Variants in NCOA7 observed in about 807,000 individuals in gnomAD.
NCOA7 encodes the protein nuclear receptor coactivator 7, also known as 140 kDa estrogen receptor-associated protein.
Under a neutral mutation model 104.3 loss-of-function variants are expected in NCOA7, and 45 were observed. The ratio of observed to expected loss-of-function variants is 0.43; its 90% CI spans 0.34 to 0.55. The LOEUF is 0.55. Among genes scored for constraint, NCOA7 ranks in the 20% least tolerant of loss-of-function variants. NCOA7 has a pLI of 0.02. For synonymous variants in NCOA7, 398 were observed against 402.3 expected (o/e 0.99, Z 0.13); for missense variants, 1,041 against 1,119.7 (o/e 0.93, Z 1.00).
intron 3 of NCOA7, among the ~76,000 whole-genome samples, chr6:125,870,774 G>A (rs906444388): frequency 3.3e-5 from 5 of 152,144 alleles, no homozygotes; most frequent in African/African-American, 1.2e-4. Context: ...TTAGAGTCTT[G>A]TGTTCTGGAC....
At chr6:125,882,696 T>C (rs757399806) in intron 7 of NCOA7, 145 bp downstream of exon 7, 34 of 898,820 alleles carry the variant, frequency 3.8e-5, no homozygotes, top group Middle Eastern at 3.5e-4. Flanking sequence ...AGTTTTCTTC[T>C]GTTGGATGCC....
At position 125,839,540 on chromosome 6, in the gene NCOA7, C is replaced by T. The variant is rs891846634; in HGVS notation, c.51-15480C>T. 3.9e-5 allele frequency among the ~76,000 whole-genome samples: 6 copies of T among 152,092 alleles called. 1 individual carries two copies. Among genetic ancestry groups the T allele is most frequent in the African/African-American group, 1.5e-4 (6 of 41,336 alleles). ...GATCTTTCTGGTGGCTAGACCCCATCTAGAAGCTCTCGAGGCACCTCCCTC... is the reference window on the plus strand; with the variant it reads ...GATCTTTCTGGTGGCTAGACCCCATTTAGAAGCTCTCGAGGCACCTCCCTC... On this transcript the variant is annotated intron_variant, in intron 2 of 15. Coordinates refer to ENST00000392477, the MANE Select transcript of NCOA7 (RefSeq NM_181782.5).
chr6:125,910,828 A>G (rs749015874), intron 10 of NCOA7, among the ~76,000 whole-genome samples: 4 of 152,232 alleles, frequency 2.6e-5, no homozygotes, highest in Non-Finnish European at 5.9e-5. Flanking sequence ...TGTAACTATA[A>G]TAAATCCAGT....
At chr6:125,854,377 A>T (rs1781376829) in intron 2 of NCOA7, among the ~76,000 whole-genome samples, 1 of 152,250 alleles carries the variant, frequency 6.6e-6, no homozygotes, top group South Asian at 2.1e-4. Flanking sequence ...AATTTGTAAC[A>T]TCAAATATGT....
chr6:125,873,468 T>A (rs745957448), intron 3 of NCOA7, among the ~76,000 whole-genome samples: 26 of 152,284 alleles, frequency 1.7e-4, no homozygotes, highest in Non-Finnish European at 3.5e-4. Flanking sequence ...TAAACCTGTT[T>A]ACCCTTTTGG....
At chr6:125,801,718 G>A (rs1775902508) in intron 1 of NCOA7, among the ~76,000 whole-genome samples, 2 of 152,110 alleles carry the variant, frequency 1.3e-5, no homozygotes, top group South Asian at 4.1e-4. Flanking sequence ...TCCAAGTGTG[G>A]CCTGTGTCTA....
Position 125,922,718 on chromosome 6 carries a change from C to A in NCOA7, c.2407C>A (p.Pro803Thr). The A allele has an allele frequency of 6.2e-7, 1 of 1,613,898 alleles. No individual in the cohort carries two copies. Among genetic ancestry groups the A allele is most frequent in the Non-Finnish European group, 8.5e-7 (1 of 1,179,998 alleles). The change falls in exon 13 of 16, where the codon CCA becomes ACA. Residue 803 changes from proline (P) to threonine (T), a missense_variant. Pro to Thr is a conservative substitution (Grantham distance 38). Around this residue, in one of 2 missense-constraint regions of NCOA7, gnomAD observed 127 missense variants for 177.0 expected, o/e 0.72. Transcript: ENST00000392477. The part of the protein sequence containing the change: ...RRLPARVQGY[P>T]WRLAYSTLEH... ...CCTTCCTGCAAGGGTGCAAGGGTATCCATGGAGACTGGCCTATAGCACGTT... is the reference window on the plus strand; with the variant it reads ...CCTTCCTGCAAGGGTGCAAGGGTATACATGGAGACTGGCCTATAGCACGTT...
chr6:125,849,925 C>T (rs1562902344), intron 2 of NCOA7, among the ~76,000 whole-genome samples: 1 of 152,130 alleles, frequency 6.6e-6, no homozygotes, highest in East Asian at 1.9e-4. Flanking sequence ...TAAAATCAGT[C>T]TATATTTGAG....
At chr6:125,794,953 A>G (rs1375186362) in intron 1 of NCOA7, among the ~76,000 whole-genome samples, 1 of 149,466 alleles carries the variant, frequency 6.7e-6, no homozygotes, top group Non-Finnish European at 1.5e-5. Flanking sequence ...CGCGTCAGTG[A>G]TTCATGTGAT....
chr6:125,867,727 C>A (rs1782554258), intron 3 of NCOA7, among the ~76,000 whole-genome samples: 1 of 152,150 alleles, frequency 6.6e-6, no homozygotes, highest in Admixed American at 6.6e-5. Flanking sequence ...TTAGTGCATA[C>A]CACTAAATTG....
At chr6:125,822,003 T>G (rs542296641) in intron 2 of NCOA7, among the ~76,000 whole-genome samples, 1 of 152,208 alleles carries the variant, frequency 6.6e-6, no homozygotes, top group Non-Finnish European at 1.5e-5. Context: ...CTTTGAATCC[T>G]AGGAAGCAGC....
At chr6:125,789,259 C>T (rs1774624021), upstream of NCOA7, among the ~76,000 whole-genome samples, 1 of 152,144 alleles carries the variant, frequency 6.6e-6, no homozygotes, top group African/African-American at 2.4e-5. Flanking sequence ...CAAGTCACAC[C>T]CCACTGGGTG....
intron 1 of NCOA7, among the ~76,000 whole-genome samples, chr6:125,811,192 C>G (rs1291095858): frequency 6.6e-6 from 1 of 152,176 alleles, no homozygotes; most frequent in African/African-American, 2.4e-5. Flanking sequence ...GCATGAGACT[C>G]CATCCTCCAT....
chr6:125,931,984 CCCAG>C lies in NCOA7; in HGVS notation c.*3217_*3220del, dbSNP rs1788484316. The stretch of plus-strand genomic sequence containing the variant: ...ATGATTGTAAATTTCCTGACGCCTA[CCCAG>C]CCATGTGAAACTGTGAGTCCATTAA... On this transcript the variant is annotated 3_prime_UTR_variant, in exon 16 of 16. Coordinates refer to ENST00000392477, the MANE Select transcript of NCOA7 (RefSeq NM_181782.5). The C allele has an allele frequency of 6.6e-6, 1 of 152,204 alleles. No homozygotes were observed. Among genetic ancestry groups the C allele is most frequent in the Non-Finnish European group, 1.5e-5 (1 of 68,044 alleles). The allele number at this position is 152,204 out of a possible 1,614,324, so 9.4% of individuals were successfully genotyped here. A position where few individuals can be genotyped will look rare whatever the true frequency, so the allele number is the denominator to read the frequency against.
intron 10 of NCOA7, among the ~76,000 whole-genome samples, chr6:125,909,661 T>C (rs970451892): frequency 7.2e-5 from 11 of 152,108 alleles, no homozygotes; most frequent in African/African-American, 2.7e-4. Flanking sequence ...AATACAAAAA[T>C]TAGCCGGGAG....
chr6:125,901,026 T>G lies in NCOA7; in HGVS notation c.2096+10216T>G, dbSNP rs548251767. Reference sequence around the variant, plus strand: ...TGCCCTACTGGGCTTCTGTAGCTGTTTTCAGAATGGAACCCCCAGAAGTTT... The same window carrying G: ...TGCCCTACTGGGCTTCTGTAGCTGTGTTCAGAATGGAACCCCCAGAAGTTT... On this transcript the variant is annotated intron_variant, in intron 10 of 15. Transcript: ENST00000392477. Among the ~76,000 whole-genome samples the G allele has an allele frequency of 2.6e-5, 4 of 152,318 alleles. No individual in the cohort carries two copies. The South Asian group carries it at 8.3e-4, about 32-fold the overall frequency.
chr6:125,890,839 T>C (rs1554198383), intron 10 of NCOA7, 29 bp downstream of exon 10: 3 of 1,506,180 alleles, frequency 2.0e-6, no homozygotes, highest in Non-Finnish European at 2.7e-6. Context: ...GGAAAGTCTG[T>C]GGGTCTGTTA....
intron 1 of NCOA7, chr6:125,810,254 G>T (rs1256952865): frequency 6.6e-6 from 1 of 152,074 alleles, no homozygotes; most frequent in African/African-American, 2.4e-5. Flanking sequence ...GGTCTCTGCT[G>T]GTTCTGTTCT....
chr6:125,829,877 T>G (rs1779011321), intron 2 of NCOA7, among the ~76,000 whole-genome samples: 1 of 152,212 alleles, frequency 6.6e-6, no homozygotes, highest in Admixed American at 6.5e-5. Context: ...CATGTTAACT[T>G]GATATTTTTC....
Sources: gnomAD v4.1 joint callset for allele counts (sites outside exome capture counted in the v4.1 genomes callset) on GRCh38, gnomAD v4.1.1 for gene constraint, gnomAD v4.1.1 regional missense constraint, MANE v1.5 for transcripts, NCBI Gene and HGNC (gene_info 2026-07-23, HGNC 2026-07-21) for gene names.